The following ZBTB20 variants were observed in gnomAD, a reference collection of about 807,000 sequenced individuals.
The protein encoded by ZBTB20 is zinc finger and BTB domain containing 20.
A neutral mutation model predicts 56.9 loss-of-function variants in ZBTB20; 9 were observed. The observed-to-expected ratio is 0.16, with a 90% CI of 0.10 to 0.28. ZBTB20 has a LOEUF of 0.28. Ranked by LOEUF, ZBTB20 falls within the 10% of genes least tolerant of loss-of-function variation. The pLI is 1.00. For missense variants in ZBTB20, 655 were observed against 1,003.0 expected (o/e 0.65, Z 4.69); for synonymous variants, 417 against 420.7 (o/e 0.99, Z 0.11).
At chr3:115,113,372 T>A (rs1177912781) in intron 1 of ZBTB20, among the ~76,000 whole-genome samples, 1 of 152,214 alleles carries the variant, frequency 6.6e-6, no homozygotes, top group African/African-American at 2.4e-5. Context: ...CTTTCTATGG[T>A]AGAAGTTAAA....
intron 5 of ZBTB20, among the ~76,000 whole-genome samples, chr3:114,762,191 T>C (rs1434580942): frequency 6.6e-6 from 1 of 152,224 alleles, no homozygotes; most frequent in Non-Finnish European, 1.5e-5. Flanking sequence ...GAAAAAATTC[T>C]TGTTTTTCCA....
chr3:114,482,510 G>A (rs1041658029), intron 7 of ZBTB20, among the ~76,000 whole-genome samples: 3 of 152,148 alleles, frequency 2.0e-5, no homozygotes, highest in Non-Finnish European at 2.9e-5. Context: ...TAAGCAAACT[G>A]TAGATTTTCT....
chr3:115,069,715 G>C (rs1002688493), intron 2 of ZBTB20, among the ~76,000 whole-genome samples: 1 of 151,984 alleles, frequency 6.6e-6, no homozygotes, highest in Non-Finnish European at 1.5e-5. Flanking sequence ...CATTATATTT[G>C]TAATATAAGT....
At chr3:114,878,423 T>C (rs2076275343) in intron 4 of ZBTB20, among the ~76,000 whole-genome samples, 1 of 152,088 alleles carries the variant, frequency 6.6e-6, no homozygotes, top group East Asian at 1.9e-4. Flanking sequence ...TTTCAGCATC[T>C]ACTGGAGAGA....
intron 7 of ZBTB20, among the ~76,000 whole-genome samples, chr3:114,428,303 G>GA (rs1344390951): frequency 6.6e-6 from 1 of 152,014 alleles, no homozygotes; most frequent in African/African-American, 2.4e-5. Flanking sequence ...GGTATTAAAA[G>GA]AAAAAAATGC....
chr3:114,801,431 C>T (rs934652638), intron 4 of ZBTB20, among the ~76,000 whole-genome samples: 1 of 142,064 alleles, frequency 7.0e-6, no homozygotes, highest in East Asian at 2.1e-4. Flanking sequence ...AAACAAAATA[C>T]GCCTCCATGT....
chr3:114,551,194 C>T (rs1296406558), intron 6 of ZBTB20, among the ~76,000 whole-genome samples: 1 of 152,098 alleles, frequency 6.6e-6, no homozygotes, highest in Non-Finnish European at 1.5e-5. Flanking sequence ...TATAGTGATG[C>T]ATTTATCAGT....
chr3:114,512,218 T>C (rs577964655), intron 6 of ZBTB20, among the ~76,000 whole-genome samples: 1 of 152,152 alleles, frequency 6.6e-6, no homozygotes, highest in South Asian at 2.1e-4. Context: ...AATTAGTTGC[T>C]TTATGTCCTT....
intron 6 of ZBTB20, among the ~76,000 whole-genome samples, chr3:114,546,303 TAAC>T (rs1163705569): frequency 2.6e-5 from 4 of 152,204 alleles, no homozygotes; most frequent in Non-Finnish European, 5.9e-5. Flanking sequence ...TTGAATATTA[TAAC>T]AACATTTGGC....
intron 10 of ZBTB20, among the ~76,000 whole-genome samples, chr3:114,357,388 T>G (rs1032946281): frequency 1.3e-5 from 2 of 152,184 alleles, no homozygotes; most frequent in African/African-American, 4.8e-5. Flanking sequence ...TACTTATTAT[T>G]TTATCTAGAC....
At chr3:114,990,258 T>C (rs1165626425) in intron 2 of ZBTB20, among the ~76,000 whole-genome samples, 1 of 152,176 alleles carries the variant, frequency 6.6e-6, no homozygotes, top group Non-Finnish European at 1.5e-5. Context: ...ATAGCTCTCA[T>C]TATTTTGAGA....
chr3:114,980,754 A>T (rs965551614), intron 2 of ZBTB20, among the ~76,000 whole-genome samples: 3 of 151,956 alleles, frequency 2.0e-5, no homozygotes, highest in South Asian at 2.1e-4. Flanking sequence ...TGAATAAATT[A>T]AAAAATCACC....
At chr3:114,486,316 T>C (rs2042149066) in intron 7 of ZBTB20, among the ~76,000 whole-genome samples, 1 of 151,988 alleles carries the variant, frequency 6.6e-6, no homozygotes, top group Non-Finnish European at 1.5e-5. Flanking sequence ...TCTAGATGAG[T>C]AATGTTAATG....
intron 6 of ZBTB20, among the ~76,000 whole-genome samples, chr3:114,551,245 T>A (rs2050540493): frequency 6.6e-6 from 1 of 152,178 alleles, no homozygotes; most frequent in Non-Finnish European, 1.5e-5. Context: ...TGGAAAAAAA[T>A]TCCTGTTCAC....
intron 5 of ZBTB20, among the ~76,000 whole-genome samples, chr3:114,719,486 T>C (rs1460185968): frequency 6.6e-6 from 1 of 152,116 alleles, no homozygotes; most frequent in Non-Finnish European, 1.5e-5. Context: ...TGAAGGCTGC[T>C]CTGCCTGTCC....
chr3:114,526,382 C>T (rs990617531), intron 6 of ZBTB20, among the ~76,000 whole-genome samples: 2 of 152,146 alleles, frequency 1.3e-5, no homozygotes, highest in Non-Finnish European at 2.9e-5. Context: ...GTATCATTCA[C>T]CCATCTGCTT....
intron 7 of ZBTB20, among the ~76,000 whole-genome samples, chr3:114,398,302 C>G (rs1055123200): frequency 1.3e-5 from 2 of 152,084 alleles, no homozygotes; most frequent in African/African-American, 4.8e-5. Flanking sequence ...ACTACAGAGA[C>G]CCCAGCTTTT....
rs373291640 is a variant in ZBTB20 at position 114,577,847 on chromosome 3, G to A, written c.-294-77456C>T. Among the ~76,000 whole-genome samples, 8 of 152,308 alleles carry A rather than the reference G, an allele frequency of 5.3e-5. No individual in the cohort carries two copies. In the East Asian group the frequency reaches 5.8e-4, roughly 11 times the overall value. ...CCATTGTAAGATCTGGATTGGGACT[G>A]AGAAGATCCAGATAAAGGCAACTGT... is the stretch of plus-strand genomic sequence containing the variant. On this transcript the variant is annotated intron_variant, in intron 6 of 11. Coordinates refer to ENST00000675478, the MANE Select transcript of ZBTB20 (RefSeq NM_001348800.3).
intron 6 of ZBTB20, among the ~76,000 whole-genome samples, chr3:114,576,456 C>G (rs950355145): frequency 4.1e-5 from 5 of 120,886 alleles, no homozygotes; most frequent in African/African-American, 1.6e-4. Context: ...GAGTCGAGAT[C>G]GCGCCGCTGC....
Sources: gnomAD v4.1 joint callset for allele counts (sites outside exome capture counted in the v4.1 genomes callset) on GRCh38, gnomAD v4.1.1 for gene constraint, MANE v1.5 for transcripts, NCBI Gene and HGNC (gene_info 2026-07-23, HGNC 2026-07-21) for gene names.